PKIB: variants seen among roughly 807,000 people sequenced by gnomAD.
The protein encoded by PKIB is PKI-beta.
A neutral mutation model predicts 4.5 loss-of-function variants in PKIB; 2 were observed. That is an observed-to-expected ratio of 0.44 (90% CI 0.18 to 1.39). The LOEUF is 1.39. Among genes scored for constraint, PKIB ranks in the 40% most tolerant of loss-of-function variants. The pLI is 0.27. For synonymous variants in PKIB, 38 were observed against 36.0 expected, an observed-to-expected ratio of 1.06 and a Z score of -0.20; for missense variants, 94 against 92.6, an observed-to-expected ratio of 1.02 and a Z score of -0.06.
upstream of PKIB, among the ~76,000 whole-genome samples, chr6:122,606,990 A>G (rs1274600993): frequency 6.6e-6 from 1 of 152,016 alleles, no homozygotes; most frequent in African/African-American, 2.4e-5. Context: ...TGCTTCACCC[A>G]TGCAAGAATT....
chr6:122,625,642 T>C (rs911127470), intron 1 of PKIB, among the ~76,000 whole-genome samples: 3 of 151,042 alleles, frequency 2.0e-5, no homozygotes, highest in Non-Finnish European at 4.4e-5. Flanking sequence ...TCTCCAAAAA[T>C]AATAATAATA....
At chr6:122,543,955 A>T (rs1023277583) in intron 2 of PKIB, among the ~76,000 whole-genome samples, 7 of 151,932 alleles carry the variant, frequency 4.6e-5, no homozygotes, top group African/African-American at 9.7e-5. Context: ...TTATATTGAT[A>T]ATATATATAT....
intron 3 of PKIB, among the ~76,000 whole-genome samples, chr6:122,594,998 C>T (rs1269268355): frequency 6.6e-6 from 1 of 152,164 alleles, no homozygotes; most frequent in African/African-American, 2.4e-5. Context: ...TCTTAACTTC[C>T]AGTTTAATGG....
intron 3 of PKIB, among the ~76,000 whole-genome samples, chr6:122,676,255 T>C (rs1377622132): frequency 6.6e-6 from 1 of 151,854 alleles, no homozygotes; most frequent in Non-Finnish European, 1.5e-5. Context: ...GGGCTTATGC[T>C]CCTATGGGAA....
intron 2 of PKIB, among the ~76,000 whole-genome samples, chr6:122,520,925 T>C (rs920008952): frequency 3.9e-5 from 6 of 152,128 alleles, no homozygotes; most frequent in African/African-American, 1.4e-4. Context: ...CTGCAAAAAG[T>C]TGTTGAAATG....
At chr6:122,544,420 C>T (rs1419439363) in intron 2 of PKIB, among the ~76,000 whole-genome samples, 2 of 151,682 alleles carry the variant, frequency 1.3e-5, no homozygotes, top group Non-Finnish European at 2.9e-5. Flanking sequence ...TGAGCATAAC[C>T]TGTAAAATAA....
chr6:122,472,877 C>G (rs1208256895), intron 1 of PKIB, among the ~76,000 whole-genome samples: 1 of 152,144 alleles, frequency 6.6e-6, no homozygotes, highest in Non-Finnish European at 1.5e-5. Flanking sequence ...CTTTGGGAGG[C>G]TGAGGCAGGC....
chr6:122,518,885 G>A lies in PKIB; in HGVS notation c.-248+40946G>A, dbSNP rs79215852. ...TATTTTAAAAATTGGTCATTCAGAC[G>A]CAGACTGAGCACCACATGCTGACCA... is the stretch of plus-strand genomic sequence containing the variant. On this transcript the variant is annotated intron_variant, in intron 2 of 6. Transcript: ENST00000392491. Among the ~76,000 whole-genome samples the A allele has an allele frequency of 5.3e-5, 8 of 152,180 alleles. No individual in the cohort carries two copies. In the East Asian group the frequency reaches 9.7e-4, roughly 18 times the overall value.
intron 2 of PKIB, among the ~76,000 whole-genome samples, chr6:122,503,715 C>T (rs1364540988): frequency 6.6e-6 from 1 of 152,146 alleles, no homozygotes; most frequent in East Asian, 1.9e-4. Flanking sequence ...TCATTCCTCT[C>T]CTGTTTCCCA....
chr6:122,558,443 A>G (rs1188714955), intron 2 of PKIB, among the ~76,000 whole-genome samples: 2 of 152,208 alleles, frequency 1.3e-5, no homozygotes, highest in Non-Finnish European at 1.5e-5. Flanking sequence ...AGTGAAAGGT[A>G]CAGTCAGACT....
intron 2 of PKIB, among the ~76,000 whole-genome samples, chr6:122,492,258 A>G (rs1775957863): frequency 6.6e-6 from 1 of 152,202 alleles, no homozygotes; most frequent in African/African-American, 2.4e-5. Context: ...TTGTAAGCAT[A>G]TTGAGAGAAT....
At chr6:122,626,414 A>G (rs1775447376) in intron 1 of PKIB, among the ~76,000 whole-genome samples, 1 of 152,238 alleles carries the variant, frequency 6.6e-6, no homozygotes, top group Admixed American at 6.5e-5. Flanking sequence ...AAACATTGCC[A>G]TTCAAGATGT....
intron 3 of PKIB, among the ~76,000 whole-genome samples, chr6:122,704,846 AG>A (rs1778992602): frequency 6.6e-6 from 1 of 152,010 alleles, no homozygotes; most frequent in African/African-American, 2.4e-5. Context: ...GAGGCCAAGG[AG>A]GGAGGATCAC....
At chr6:122,491,266 G>A (rs180794434) in intron 2 of PKIB, among the ~76,000 whole-genome samples, 41 of 152,070 alleles carry the variant, frequency 2.7e-4, no homozygotes, top group African/African-American at 9.9e-4. Flanking sequence ...GGAGTTATAC[G>A]CATGCTCACT....
At chr6:122,537,511 C>T (rs1777444579) in intron 2 of PKIB, among the ~76,000 whole-genome samples, 1 of 152,158 alleles carries the variant, frequency 6.6e-6, no homozygotes, top group South Asian at 2.1e-4. Context: ...GACATGAACT[C>T]ATCATTTTTT....
intron 1 of PKIB, among the ~76,000 whole-genome samples, chr6:122,475,446 G>C (rs1157188607): frequency 6.6e-6 from 1 of 152,036 alleles, no homozygotes; most frequent in Admixed American, 6.6e-5. Context: ...TTGATCACAG[G>C]AGTTAGAGAC....
In PKIB at chr6:122,649,627, G is replaced by T. The variant is rs1401763670; in HGVS notation, c.-76+16260G>T. On this transcript the variant is annotated intron_variant, in intron 2 of 4. Coordinates refer to ENST00000368452, the MANE Select transcript of PKIB (RefSeq NM_181795.3). ...TATACCACTTCCATTTGATATTGGG[G>T]TGTGGCTGTACATACCCAACGTTAA... Among the ~76,000 whole-genome samples, 4 of 152,134 alleles carry T rather than the reference G, an allele frequency of 2.6e-5. No homozygotes were observed. The South Asian group carries it at 8.3e-4, about 32-fold the overall frequency.
intron 1 of PKIB, among the ~76,000 whole-genome samples, chr6:122,621,627 C>G (rs1217847583): frequency 6.6e-6 from 1 of 152,144 alleles, no homozygotes; most frequent in Non-Finnish European, 1.5e-5. Context: ...ACTCAAAGTG[C>G]AGCATATGTT....
intron 2 of PKIB, among the ~76,000 whole-genome samples, chr6:122,672,735 A>G (rs1262688075): frequency 6.6e-6 from 1 of 151,672 alleles, no homozygotes; most frequent in Non-Finnish European, 1.5e-5. Context: ...TAATAATAAT[A>G]TAGCAAATAA....
Sources: allele counts gnomAD v4.1 joint callset (sites outside exome capture counted in the v4.1 genomes callset), GRCh38; gene constraint gnomAD v4.1.1; transcripts MANE v1.5; gene names NCBI Gene and HGNC (gene_info 2026-07-23, HGNC 2026-07-21).